The following CES2 variants were observed in gnomAD, a reference collection of about 807,000 sequenced individuals.
CES2 encodes the protein cocaine esterase.
Under a neutral mutation model 52.1 loss-of-function variants are expected in CES2, and 42 were observed. The ratio of observed to expected loss-of-function variants is 0.81; its 90% confidence interval spans 0.63 to 1.04. The LOEUF is 1.04. CES2 is among the 50% of genes least tolerant of loss of function. The pLI, the probability that CES2 is intolerant of heterozygous loss-of-function variation, is 0.00. For missense variants in CES2, 656 were observed against 724.3 expected (o/e 0.91, Z 1.08); for synonymous variants, 277 against 289.6 (o/e 0.96, Z 0.44).
chr16:66,939,153 G>A, intron 2 of CES2, 64 bp from the exon 3 acceptor site: 1 of 1,502,716 alleles, frequency 6.7e-7, no homozygotes, highest in Non-Finnish European at 9.2e-7. Flanking sequence ...GAGCACCTCT[G>A]AACCCAGGGT....
At position 66,941,259 on chromosome 16, in the gene CES2, G is replaced by A. The variant is rs376503671; in HGVS notation, c.915+37G>A. 8.1e-6 allele frequency: 13 copies of A among 1,608,844 alleles called. No homozygotes were observed. The African/African-American group carries it at 1.6e-4, about 20-fold the overall frequency. ...TGGATGTGGGTGTAGAGGAAGGGGT[G>A]CAATAGGCATGGGGCTGGCAGGCCT... is the stretch of plus-strand genomic sequence containing the variant. On this transcript the variant is annotated intron_variant, in intron 6 of 11. Coordinates refer to ENST00000317091, the MANE Select transcript of CES2 (RefSeq NM_001365405.1).
Position 66,942,221 on chromosome 16 carries a change from C to T in CES2, c.1254C>T (p.Ile418=). The T allele has an allele frequency of 6.2e-7, 1 of 1,613,116 alleles. No individual in the cohort carries two copies. The highest frequency in any genetic ancestry group is 2.2e-5 in the East Asian group (1 of 44,860). Residue 418 remains isoleucine, a synonymous_variant, in exon 9 of 12, where the codon ATC becomes ATT. Coordinates refer to ENST00000317091, the MANE Select transcript of CES2 (RefSeq NM_001365405.1). ...QEMMADSMFV[I]PALQVAHFQC... is the part of the protein sequence containing the mutation. Reference sequence around the variant, plus strand: ...TGATGGCGGACTCCATGTTTGTGATCCCTGCACTCCAAGTAGCACATTTTC... The same window carrying T: ...TGATGGCGGACTCCATGTTTGTGATTCCTGCACTCCAAGTAGCACATTTTC...
rs1246551350 is a variant in CES2, at chr16:66,941,001, T to C, written c.817-123T>C. 3.7e-6 allele frequency: 5 copies of C among 1,368,302 alleles called. No homozygotes were observed. The African/African-American group carries it at 5.8e-5, about 16-fold the overall frequency. 84.8% of individuals were successfully genotyped at this position (1,368,302 alleles called of 1,614,324 possible). On this transcript the variant is annotated intron_variant, in intron 5 of 11. Coordinates refer to ENST00000317091, the MANE Select transcript of CES2 (RefSeq NM_001365405.1). ...TTCTGAGTTGGAACAGTGTCAGAAC[T>C]GCAGGAACTCATACGAAGTACCCTC...
At chr16:66,942,433 A>G in intron 9 of CES2, 184 bp downstream of exon 9, 1 of 823,944 alleles carries the variant, frequency 1.2e-6, no homozygotes, top group African/African-American at 1.7e-5. Flanking sequence ...CATTTCACAG[A>G]CGAGCAAATT....
intron 1 of CES2, among the ~76,000 whole-genome samples, chr16:66,936,241 G>A (rs537621028): frequency 6.6e-6 from 1 of 152,276 alleles, no homozygotes; most frequent in South Asian, 2.1e-4. Context: ...AGGCCACAGT[G>A]GCTGGGTGCG....
At position 66,943,547 on chromosome 16, in the gene CES2, G is replaced by A. The variant is rs1963414029; in HGVS notation, c.1493+176G>A. ...TGGGGGTGCGTGGGGCAGTGGACAC[G>A]CTCTATCTCTCCAGTCTACCTGGAG... On this transcript the variant is annotated intron_variant, in intron 11 of 11. Coordinates refer to ENST00000317091, the MANE Select transcript of CES2 (RefSeq NM_001365405.1). The surrounding 1 kb of genome is among the most constrained non-coding windows in gnomAD (Gnocchi z 4.2). The A allele has an allele frequency of 1.2e-5, 8 of 657,470 alleles. No homozygotes were observed. The highest frequency in any genetic ancestry group is 8.5e-4 in the Middle Eastern group (2 of 2,342). 40.7% of individuals were successfully genotyped at this position (657,470 alleles called of 1,614,324 possible).
At position 66,944,306 on chromosome 16, in the gene CES2, CAA is replaced by C. The variant is rs35024917; in HGVS notation, c.*298_*299del. ...AGGGCAACACAGTGAGACCCCTTCTCAAAAAAAAAAAAAAAAAAGAGAGAGTG... is the reference window on the plus strand; with the variant it reads ...AGGGCAACACAGTGAGACCCCTTCTCAAAAAAAAAAAAAAAAGAGAGAGTG... On this transcript the variant is annotated 3_prime_UTR_variant, in exon 12 of 12. Coordinates refer to ENST00000317091, the MANE Select transcript of CES2 (RefSeq NM_001365405.1). 235 of 78,132 alleles carry C rather than the reference CAA, an allele frequency of 3.0e-3. No individual in the cohort carries two copies. The highest frequency in any genetic ancestry group is 7.5e-3 in the Middle Eastern group (1 of 134). The allele number at this position is 78,132 out of a possible 1,614,324, so 4.8% of individuals were successfully genotyped here.
chr16:66,940,770 G>A (rs913192651), intron 5 of CES2, 75 bp downstream of exon 5: 36 of 1,536,318 alleles, frequency 2.3e-5, no homozygotes, highest in African/African-American at 1.1e-4. Flanking sequence ...TCTGTTAAAC[G>A]GGGATGACAA....
chr16:66,942,063 G>A (rs1317875235), intron 8 of CES2, 42 bp from the exon 9 acceptor site: 8 of 1,574,822 alleles, frequency 5.1e-6, no homozygotes, highest in Non-Finnish European at 6.9e-6. Flanking sequence ...CCTGCCCCTG[G>A]CATCCAGTCT....
rs1343972967 is a variant in CES2 at position 66,941,230 on chromosome 16, T to C, written c.915+8T>C. The C allele has an allele frequency of 3.1e-6, 5 of 1,613,898 alleles. No individual in the cohort carries two copies. The highest frequency in any genetic ancestry group is 2.2e-5 in the East Asian group (1 of 44,874). On this transcript the variant is annotated splice_region_variant and intron_variant, in intron 6 of 11. Transcript: ENST00000317091. ...ATTCTTGCAATTAACAAGGTTGGTC[T>C]AAATGGATGTGGGTGTAGAGGAAGG... is the stretch of plus-strand genomic sequence containing the variant.
Position 66,938,144 on chromosome 16 carries a change from C to G in CES2, c.184C>G (p.Pro62Ala). ...NAGVQTFLGI[P>A]FAKPPLGPLR... ...CGGGGTCCAAACCTTCCTGGGAATT[C>G]CATTTGCCAAGCCACCTCTAGGTCC... Residue 62 changes from proline (P) to alanine (A), a missense_variant, in exon 2 of 12, where the codon CCA becomes GCA. By Grantham distance (27) the Pro-to-Ala change is conservative. Coordinates refer to ENST00000317091, the MANE Select transcript of CES2 (RefSeq NM_001365405.1). The G allele has an allele frequency of 6.2e-7, 1 of 1,614,160 alleles. No individual in the cohort carries two copies. The highest frequency in any genetic ancestry group is 1.1e-5 in the South Asian group (1 of 91,088).
Position 66,944,015 on chromosome 16 carries a change from C to CAG in CES2, c.1673_1674dup (p.Leu559SerfsTer73). 3.3e-6 allele frequency: 5 copies of CAG among 1,525,184 alleles called. No homozygotes were observed. The highest frequency in any genetic ancestry group is 4.5e-6 in the Non-Finnish European group (5 of 1,121,072). The allele number at this position is 1,525,184 out of a possible 1,614,324, so 94.5% of individuals were successfully genotyped here. A position where few individuals can be genotyped will look rare whatever the true frequency, so the allele number is the denominator to read the frequency against. On this transcript the variant is annotated frameshift_variant, in exon 12 of 12. Coordinates refer to ENST00000317091, the MANE Select transcript of CES2 (RefSeq NM_001365405.1). LOFTEE classifies it high-confidence loss of function. ...CTCGAGGAGCCTGAAGAGAGACACA[C>CAG]AGAGCTGTAGCTCCCTGTGCCGGGG...
chr16:66,943,487 C>A lies in CES2; in HGVS notation c.1493+116C>A. The A allele has an allele frequency of 9.3e-7, 1 of 1,076,106 alleles. No homozygotes were observed. Among genetic ancestry groups the A allele is most frequent in the Non-Finnish European group, 1.4e-6 (1 of 720,538 alleles). 66.7% of individuals were successfully genotyped at this position (1,076,106 alleles called of 1,614,324 possible). On this transcript the variant is annotated intron_variant, in intron 11 of 11. Transcript: ENST00000317091. This position sits in a 1 kb window ranked among gnomAD's most constrained non-coding sequence, Gnocchi z 4.2. Reference sequence around the variant, plus strand: ...ACCCGCATCCTTCATCACATGATGGCCCCTTCCCCAGCTCCGGGACCCACT... The same window carrying A: ...ACCCGCATCCTTCATCACATGATGGACCCTTCCCCAGCTCCGGGACCCACT...
In CES2 at chr16:66,943,579, C is replaced by T. The variant is rs1383985614; in HGVS notation, c.1493+208C>T. 1.3e-5 allele frequency: 8 copies of T among 606,426 alleles called. No homozygotes were observed. The highest frequency in any genetic ancestry group is 5.7e-5 in the East Asian group (2 of 35,394). 37.6% of individuals were successfully genotyped at this position (606,426 alleles called of 1,614,324 possible). On this transcript the variant is annotated intron_variant, in intron 11 of 11. Transcript: ENST00000317091. This position sits in a 1 kb window ranked among gnomAD's most constrained non-coding sequence, Gnocchi z 4.2. ...CTCTCCAGTCTACCTGGAGGGTGGG[C>T]GCCAGTGCTGTGCCACCGTCAGGGC...
intron 4 of CES2, 41 bp downstream of exon 4, chr16:66,940,396 G>A: frequency 6.2e-7 from 1 of 1,614,060 alleles, no homozygotes; most frequent in South Asian, 1.1e-5. Context: ...GCTGAGCGGG[G>A]CCAGGACAGC....
rs1480521468 is a variant in CES2, at chr16:66,944,026, C to T, written c.*1C>T. ...TGAAGAGAGACACACAGAGCTGTAG[C>T]TCCCTGTGCCGGGGAGGAGGGGGTG... On this transcript the variant is annotated 3_prime_UTR_variant, in exon 12 of 12. Transcript: ENST00000317091. 3 of 1,486,686 alleles carry T rather than the reference C, an allele frequency of 2.0e-6. No homozygotes were observed. The highest frequency in any genetic ancestry group is 2.5e-5 in the East Asian group (1 of 39,944). 92.1% of individuals were successfully genotyped at this position (1,486,686 alleles called of 1,614,324 possible).
chr16:66,935,569 C>T lies in CES2; in HGVS notation c.-67C>T, dbSNP rs1272242446. 6.2e-7 allele frequency: 1 copy of T among 1,613,764 alleles called. No homozygotes were observed. The highest frequency in any genetic ancestry group is 1.1e-5 in the South Asian group (1 of 91,088). ...AGGCACTGATCCACTGCTGGACAGA[C>T]CCGGGGCAGCCTCTGGGTGAACAGC... On this transcript the variant is annotated 5_prime_UTR_variant, in exon 1 of 12. Transcript: ENST00000317091.
At chr16:66,942,522 C>A in intron 9 of CES2, 126 bp from the exon 10 acceptor site, 4 of 1,072,968 alleles carry the variant, frequency 3.7e-6, no homozygotes, top group Admixed American at 2.6e-5. Context: ...CCTGCCCCAG[C>A]CTGGGGCTCC....
rs28382828 is a variant in CES2 at position 66,944,325 on chromosome 16, G to GAA, written c.*301_*302insAA. The GAA allele has an allele frequency of 7.0e-4, 137 of 196,984 alleles. 1 individual carries two copies. Among genetic ancestry groups the GAA allele is most frequent in the East Asian group, 2.2e-3 (20 of 9,010 alleles). 12.2% of individuals were successfully genotyped at this position (196,984 alleles called of 1,614,324 possible). On this transcript the variant is annotated 3_prime_UTR_variant, in exon 12 of 12. Transcript: ENST00000317091. The stretch of plus-strand genomic sequence containing the variant: ...CCTTCTCAAAAAAAAAAAAAAAAAA[G>GAA]AGAGAGTGTGTGATTAGAAGCTAAA...
Sources: allele counts gnomAD v4.1 joint callset (sites outside exome capture counted in the v4.1 genomes callset), GRCh38; gene constraint gnomAD v4.1.1; non-coding constraint Gnocchi (gnomAD v3.1); transcripts MANE v1.5; gene names NCBI Gene and HGNC (gene_info 2026-07-23, HGNC 2026-07-21).